Variants in GON4L observed in about 807,000 individuals in gnomAD.
The protein encoded by GON4L is gon-4 like, also known as GON-4-like protein.
GON4L carries 87 observed loss-of-function variants against 211.8 expected under a neutral mutation model. The ratio of observed to expected loss-of-function variants is 0.41; its 90% CI spans 0.35 to 0.49. The LOEUF (loss-of-function observed/expected upper bound fraction) is 0.49, where lower values mean the gene tolerates loss of function less well. Ranked by LOEUF, GON4L falls within the 20% of genes least tolerant of loss-of-function variation. GON4L has a pLI of 0.15. For missense variants in GON4L, 2,155 were observed against 2,659.5 expected (o/e 0.81, Z 4.17); for synonymous variants, 875 against 962.6 (o/e 0.91, Z 1.68).
Position 155,775,105 on chromosome 1 carries a change from G to T in GON4L, c.2247C>A (p.Thr749=), listed in dbSNP as rs1239060891. 1.2e-6 allele frequency: 2 copies of T among 1,613,994 alleles called. No individual in the cohort carries two copies. Among genetic ancestry groups the T allele is most frequent in the Admixed American group, 1.7e-5 (1 of 59,986 alleles). The change falls in exon 17 of 32, where the codon ACC becomes ACA. Residue 749 remains threonine, a synonymous_variant. Transcript: ENST00000368331. ...LHHQYNPKFQ[T]LFQPCNLMGA... ...CCATCAAGTTACAGGGTTGGAACAGGGTCTGAAACTTGGGGTTGTACTGAT... is the reference window on the plus strand; with the variant it reads ...CCATCAAGTTACAGGGTTGGAACAGTGTCTGAAACTTGGGGTTGTACTGAT...
rs1671993874 is a variant in GON4L at position 155,853,412 on chromosome 1, G to A, written c.369C>T (p.Leu123=). ...TCCCTCTCTTTGAGCCAGTAGCGTGGAGTTTTCCTTTACCAATGTGTATAT... is the reference window on the plus strand; with the variant it reads ...TCCCTCTCTTTGAGCCAGTAGCGTGAAGTTTTCCTTTACCAATGTGTATAT... ...PLNIHIGKGK[L]HATGSKRGKK... Residue 123 remains leucine, a synonymous_variant, in exon 2 of 32, where the codon CTC becomes CTT. Transcript: ENST00000368331. 6 of 1,614,174 alleles carry A rather than the reference G, an allele frequency of 3.7e-6. No homozygotes were observed. Among genetic ancestry groups the A allele is most frequent in the Non-Finnish European group, 5.1e-6 (6 of 1,180,028 alleles).
chr1:155,749,188 G>A (rs1263072095), downstream of GON4L: 13 of 1,180,492 alleles, frequency 1.1e-5, no homozygotes, highest in Admixed American at 1.1e-4. Flanking sequence ...GGAGGTGGAG[G>A]TTGCAGTGAG....
chr1:155,843,795 T>C (rs1035128162), intron 2 of GON4L, among the ~76,000 whole-genome samples: 1 of 152,124 alleles, frequency 6.6e-6, no homozygotes, highest in Non-Finnish European at 1.5e-5. Flanking sequence ...TCACCCCCAT[T>C]GGAACCTGGA....
downstream of GON4L, chr1:155,747,978 A>C (rs1353815523): frequency 6.3e-6 from 10 of 1,581,828 alleles, no homozygotes; most frequent in South Asian, 1.1e-5. Flanking sequence ...CTTTACGAGG[A>C]GGCCCAGAGA....
chr1:155,795,843 G>A (rs998271016), intron 11 of GON4L, among the ~76,000 whole-genome samples: 8 of 152,024 alleles, frequency 5.3e-5, no homozygotes, highest in African/African-American at 1.9e-4. Context: ...TTGGTATGTT[G>A]CCCAGACTGG....
At position 155,764,980 on chromosome 1, in the gene GON4L, G is replaced by C. The variant is rs1447187145; in HGVS notation, c.4473+20C>G. ...ATTACTGAGTCCACGAAATACTTGA[G>C]AATATTCTCCAGCTCTCACCTGGAG... On this transcript the variant is annotated intron_variant, in intron 21 of 31. Transcript: ENST00000368331. The C allele has an allele frequency of 6.2e-7, 1 of 1,614,010 alleles. No individual in the cohort carries two copies. The highest frequency in any genetic ancestry group is 2.2e-5 in the East Asian group (1 of 44,870).
At chr1:155,848,305 TC>T (rs201220212) in intron 2 of GON4L, among the ~76,000 whole-genome samples, 3,842 of 152,212 alleles carry the variant, frequency 0.025, 234 homozygotes, top group Admixed American at 0.14. Flanking sequence ...TCAAATACCT[TC>T]CCTATGAAGG....
In GON4L at chr1:155,771,102, G is replaced by A; in HGVS notation, c.2611C>T (p.Leu871Phe). The A allele has an allele frequency of 6.2e-7, 1 of 1,614,174 alleles. No homozygotes were observed. The highest frequency in any genetic ancestry group is 1.7e-5 in the Admixed American group (1 of 60,016). ...AHQLTVRIKN[L>F]NMNRAPDNII... ...TTGTCAGGAGCTCTGTTCATGTTGA[G>A]GTTCTTGATTCTCACTGTCAGTTGG... Residue 871 changes from leucine (L) to phenylalanine (F), a missense_variant, in exon 19 of 32, where the codon CTC becomes TTC. Physicochemically the swap from Leu to Phe is conservative, Grantham distance 22. Around this residue, in one of 6 missense-constraint regions of GON4L, gnomAD observed 551 missense variants for 854.0 expected, o/e 0.65. Transcript: ENST00000368331.
chr1:155,850,688 T>C (rs1406775114), intron 2 of GON4L, among the ~76,000 whole-genome samples: 1 of 152,124 alleles, frequency 6.6e-6, no homozygotes, highest in Non-Finnish European at 1.5e-5. Flanking sequence ...ACTGAGAATG[T>C]ACCAGTAGGA....
At chr1:155,797,677 C>G (rs1025142285) in intron 11 of GON4L, among the ~76,000 whole-genome samples, 3 of 144,926 alleles carry the variant, frequency 2.1e-5, no homozygotes, top group Non-Finnish European at 1.5e-5. Flanking sequence ...GACCCCCCCC[C>G]TCCCGTCTCT....
rs758499312 is a variant in GON4L, at chr1:155,814,374, A to G, written c.1237T>C (p.Ser413Pro). 1 of 1,613,480 alleles carries G rather than the reference A, an allele frequency of 6.2e-7. No individual in the cohort carries two copies. Among genetic ancestry groups the G allele is most frequent in the Admixed American group, 1.7e-5 (1 of 60,018 alleles). ...TCCTCATCTGTTTCAGTCATCTCAG[A>G]AGACTGCCTCAATCTGGATTTCTTT... ...GAKKSRLRQS[S>P]EMTETDEESG... The change falls in exon 9 of 32, where the codon TCT becomes CCT. Residue 413 changes from serine (S) to proline (P), a missense_variant. Coordinates refer to ENST00000368331, the MANE Select transcript of GON4L (RefSeq NM_001282860.2).
Position 155,784,032 on chromosome 1 carries a change from ACTC to A in GON4L, c.1843_1845del (p.Glu615del), listed in dbSNP as rs767906834. 5.6e-6 allele frequency: 9 copies of A among 1,613,176 alleles called. No homozygotes were observed. In the African/African-American group the frequency reaches 1.1e-4, roughly 19 times the overall value. On this transcript the variant is annotated inframe_deletion, in exon 14 of 32. Transcript: ENST00000368331. ...AAGTTAGGACGAGGCTCAGCTACAC[ACTC>A]CTCCTCTTCTGGGCCATCATCTTCC...
At chr1:155,790,333 C>T (rs978586508) in intron 12 of GON4L, among the ~76,000 whole-genome samples, 14 of 151,702 alleles carry the variant, frequency 9.2e-5, no homozygotes, top group Middle Eastern at 3.4e-3. Context: ...CTCCTGACCT[C>T]GTGATCTGCC....
At chr1:155,842,174 T>C (rs919611283) in intron 2 of GON4L, among the ~76,000 whole-genome samples, 4 of 152,106 alleles carry the variant, frequency 2.6e-5, no homozygotes, top group African/African-American at 7.2e-5. Flanking sequence ...AAATAAAGTA[T>C]TGCCCTTTCC....
intron 4 of GON4L, 23 bp downstream of exon 4, chr1:155,822,263 A>G: frequency 3.8e-6 from 6 of 1,593,034 alleles, no homozygotes; most frequent in South Asian, 1.1e-5. Context: ...TTCCATTTAC[A>G]TAACTGCCCC....
At chr1:155,825,830 G>C (rs1167995749) in intron 3 of GON4L, among the ~76,000 whole-genome samples, 5 of 151,636 alleles carry the variant, frequency 3.3e-5, no homozygotes, top group Non-Finnish European at 7.4e-5. Flanking sequence ...ATCACCTGAG[G>C]TCAGGAGTTC....
chr1:155,750,417 G>C lies in GON4L; in HGVS notation c.*167C>G. On this transcript the variant is annotated 3_prime_UTR_variant, in exon 32 of 32. Transcript: ENST00000368331. ...ACCTTGAATGATGCCTAGGATGGCA[G>C]AGCCCCTGGGTCCTACTCCATCCTC... is the stretch of plus-strand genomic sequence containing the variant. 1.6e-6 allele frequency: 1 copy of C among 619,114 alleles called. No individual in the cohort carries two copies. Among genetic ancestry groups the C allele is most frequent in the South Asian group, 2.0e-5 (1 of 50,796 alleles). 38.4% of individuals were successfully genotyped at this position (619,114 alleles called of 1,614,324 possible). A position where few individuals can be genotyped will look rare whatever the true frequency, so the allele number is the denominator to read the frequency against.
At chr1:155,816,551 C>G in intron 6 of GON4L, among the ~76,000 whole-genome samples, 1 of 152,202 alleles carries the variant, frequency 6.6e-6, no homozygotes, top group African/African-American at 2.4e-5. Flanking sequence ...ATCACAGCTG[C>G]GGTTTACATG....
intron 31 of GON4L, among the ~76,000 whole-genome samples, chr1:155,751,015 C>T (rs1202486500): frequency 3.3e-5 from 5 of 152,148 alleles, no homozygotes; most frequent in South Asian, 2.1e-4. Flanking sequence ...CCACCCACCT[C>T]GGCCTCCCAA....
Sources: gnomAD v4.1 joint callset for allele counts (sites outside exome capture counted in the v4.1 genomes callset) on GRCh38, gnomAD v4.1.1 for gene constraint, gnomAD v4.1.1 regional missense constraint, MANE v1.5 for transcripts, NCBI Gene and HGNC (gene_info 2026-07-23, HGNC 2026-07-21) for gene names.